PLCG2: variants seen among roughly 807,000 people sequenced by gnomAD.
The protein encoded by PLCG2 is phospholipase C gamma 2.
A neutral mutation model predicts 175.6 loss-of-function variants in PLCG2; 69 were observed. That is an observed-to-expected ratio of 0.39 (90% CI 0.32 to 0.48). PLCG2 has a LOEUF of 0.48. PLCG2 is among the 20% of genes least tolerant of loss of function. The pLI, the probability that PLCG2 is intolerant of heterozygous loss-of-function variation, is 0.91. For missense variants in PLCG2, 1,798 were observed against 1,650.9 expected, an observed-to-expected ratio of 1.09 and a Z score of -1.54; for synonymous variants, 827 against 624.0, an observed-to-expected ratio of 1.33 and a Z score of -4.85.
At position 81,905,570 on chromosome 16, in the gene PLCG2, C is replaced by A. The variant is rs73596869; in HGVS notation, c.1467+63C>A. On this transcript the variant is annotated intron_variant, in intron 15 of 32. Coordinates refer to ENST00000564138, the MANE Select transcript of PLCG2 (RefSeq NM_002661.5). ...GCCCCTTGCAGCTGCTTCTTGGAGC[C>A]CTGCTGGGAGCTCTGAGAATACGCC... 11,191 of 1,062,048 alleles carry A rather than the reference C, an allele frequency of 0.011. 788 individuals are homozygous for A. In the African/African-American group the frequency reaches 0.15, roughly 14 times the overall value. The allele number at this position is 1,062,048 out of a possible 1,614,324, so 65.8% of individuals were successfully genotyped here.
intron 7 of PLCG2, among the ~76,000 whole-genome samples, chr16:81,880,230 C>A (rs1177359465): frequency 6.6e-6 from 1 of 152,144 alleles, no homozygotes; most frequent in African/African-American, 2.4e-5. Flanking sequence ...AACAGTGAGA[C>A]CCCATCTCTA....
At chr16:81,846,587 A>G (rs1257723154) in intron 2 of PLCG2, among the ~76,000 whole-genome samples, 1 of 152,216 alleles carries the variant, frequency 6.6e-6, no homozygotes, top group Non-Finnish European at 1.5e-5. Context: ...GAGGGCCAGG[A>G]TCAAGTACAT....
intron 2 of PLCG2, among the ~76,000 whole-genome samples, chr16:81,759,555 G>A (rs1196843843): frequency 1.3e-5 from 2 of 152,068 alleles, no homozygotes; most frequent in Non-Finnish European, 2.9e-5. Context: ...GGCTCTTTCA[G>A]TGCCTCTGCC....
At chr16:81,872,595 C>T (rs1314993795) in intron 7 of PLCG2, among the ~76,000 whole-genome samples, 1 of 152,194 alleles carries the variant, frequency 6.6e-6, no homozygotes, top group East Asian at 1.9e-4. Flanking sequence ...GTGCGATGCA[C>T]CTAGCACAGT....
intron 7 of PLCG2, among the ~76,000 whole-genome samples, chr16:81,876,016 C>CTTTTTTTTTTTTTTTTTT (rs547152035): frequency 1.4e-4 from 16 of 114,990 alleles, no homozygotes; most frequent in Non-Finnish European, 2.1e-4. Flanking sequence ...CTTTTTCTTT[C>CTTTTTTTTTTTTTTTTTT]TTTTTTTTTT....
chr16:81,751,255 A>G (rs1375585589), intron 1 of PLCG2, among the ~76,000 whole-genome samples: 1 of 152,134 alleles, frequency 6.6e-6, no homozygotes, highest in East Asian at 1.9e-4. Flanking sequence ...TGCTGGGATT[A>G]CAGGCATGAG....
chr16:81,875,015 G>A (rs935846682), intron 7 of PLCG2, among the ~76,000 whole-genome samples: 1 of 136,196 alleles, frequency 7.3e-6, no homozygotes, highest in African/African-American at 2.7e-5. Context: ...CCAGGCTGGA[G>A]TGCAATGGCA....
chr16:81,747,033 A>T (rs927025118), intron 1 of PLCG2, among the ~76,000 whole-genome samples: 1 of 152,188 alleles, frequency 6.6e-6, no homozygotes, highest in African/African-American at 2.4e-5. Context: ...ACACAGTGAG[A>T]TGAAAGTTAA....
intron 2 of PLCG2, among the ~76,000 whole-genome samples, chr16:81,806,794 A>G (rs1483167110): frequency 6.6e-6 from 1 of 150,724 alleles, no homozygotes. Flanking sequence ...TGTGTAGATA[A>G]GTGTTTTGAG....
At chr16:81,820,269 G>A (rs1239468333) in intron 2 of PLCG2, among the ~76,000 whole-genome samples, 5 of 152,108 alleles carry the variant, frequency 3.3e-5, no homozygotes, top group Admixed American at 2.6e-4. Context: ...ACCTTCCATC[G>A]CAGGAGAGAG....
In PLCG2 at chr16:81,877,333, G is replaced by A. The variant is rs897648254; in HGVS notation, c.649-3577G>A. ...TAGCTGGGCATAGTGGCGGGTGCCT[G>A]TAGTCCCAGCTACTTGGGAGGCTGA... is the stretch of plus-strand genomic sequence containing the variant. On this transcript the variant is annotated intron_variant, in intron 7 of 32. Transcript: ENST00000564138. 1.4e-4 allele frequency among the ~76,000 whole-genome samples: 22 copies of A among 152,158 alleles called. No homozygotes were observed. The East Asian group carries it at 1.9e-3, about 13-fold the overall frequency.
chr16:81,861,682 T>G (rs1906988941), intron 5 of PLCG2, among the ~76,000 whole-genome samples: 1 of 152,184 alleles, frequency 6.6e-6, no homozygotes, highest in African/African-American at 2.4e-5. Context: ...GACTTTTCTT[T>G]CTCTGTGGCT....
At chr16:81,819,640 G>A (rs1453665696) in intron 2 of PLCG2, among the ~76,000 whole-genome samples, 7 of 152,080 alleles carry the variant, frequency 4.6e-5, no homozygotes, top group African/African-American at 1.7e-4. Flanking sequence ...GCTGTAGTGC[G>A]GTGGCGCTAT....
intron 9 of PLCG2, among the ~76,000 whole-genome samples, chr16:81,884,989 C>T (rs1908283750): frequency 6.6e-6 from 1 of 151,800 alleles, no homozygotes; most frequent in Admixed American, 6.6e-5. Context: ...CTGGGCTCAA[C>T]CGATCCTCCT....
At chr16:81,748,070 G>A (rs1262760911) in intron 1 of PLCG2, among the ~76,000 whole-genome samples, 1 of 152,014 alleles carries the variant, frequency 6.6e-6, no homozygotes, top group African/African-American at 2.4e-5. Context: ...AAACAGGGTG[G>A]CCCCATATTG....
intron 7 of PLCG2, among the ~76,000 whole-genome samples, chr16:81,871,858 C>T (rs1387357889): frequency 3.3e-5 from 5 of 151,686 alleles, no homozygotes; most frequent in African/African-American, 4.8e-5. Flanking sequence ...CTGAATGTCT[C>T]AATGGAGGAA....
At chr16:81,817,237 G>A (rs1009860410) in intron 2 of PLCG2, among the ~76,000 whole-genome samples, 1 of 152,208 alleles carries the variant, frequency 6.6e-6, no homozygotes, top group Non-Finnish European at 1.5e-5. Context: ...CCGATGGGAA[G>A]AATCCTCTAG....
chr16:81,821,290 A>G (rs915159490), intron 2 of PLCG2, among the ~76,000 whole-genome samples: 1 of 152,256 alleles, frequency 6.6e-6, no homozygotes, highest in South Asian at 2.1e-4. Context: ...GCTAAATATC[A>G]TAGTAATAAT....
chr16:81,795,649 G>C (rs1017085842), intron 2 of PLCG2, among the ~76,000 whole-genome samples: 1 of 152,094 alleles, frequency 6.6e-6, no homozygotes, highest in Non-Finnish European at 1.5e-5. Context: ...GGAGGTTGGA[G>C]GTTTCTATGG....
Sources: allele counts gnomAD v4.1 joint callset (sites outside exome capture counted in the v4.1 genomes callset), GRCh38; gene constraint gnomAD v4.1.1; transcripts MANE v1.5; gene names NCBI Gene and HGNC (gene_info 2026-07-23, HGNC 2026-07-21).